The following NEK5 variants were observed in gnomAD, a reference collection of about 807,000 sequenced individuals.
The protein encoded by NEK5 is NIMA related kinase 5, also known as serine/threonine-protein kinase Nek5.
Under a neutral mutation model 109.2 loss-of-function variants are expected in NEK5, and 88 were observed. The ratio of observed to expected loss-of-function variants is 0.81; its 90% CI spans 0.68 to 0.96. The LOEUF is 0.96. NEK5 is among the 40% of genes least tolerant of loss of function. The pLI is 0.00. For missense variants in NEK5, 834 were observed against 920.7 expected, an observed-to-expected ratio of 0.91 and a Z score of 1.22; for synonymous variants, 283 against 299.9, an observed-to-expected ratio of 0.94 and a Z score of 0.58.
intron 7 of NEK5, among the ~76,000 whole-genome samples, 181 bp downstream of exon 7, chr13:52,110,159 A>G (rs1404480828): frequency 6.6e-6 from 1 of 152,188 alleles, no homozygotes; most frequent in Non-Finnish European, 1.5e-5. Context: ...TCATTCTATT[A>G]CACCACAATT....
intron 4 of NEK5, among the ~76,000 whole-genome samples, chr13:52,113,650 C>A (rs1361755963): frequency 6.6e-6 from 1 of 150,854 alleles, no homozygotes; most frequent in African/African-American, 2.4e-5. Flanking sequence ...TTTTTCCTGG[C>A]CATTTCCACT....
chr13:52,095,387 T>G (rs1955385355), intron 12 of NEK5, among the ~76,000 whole-genome samples: 1 of 152,220 alleles, frequency 6.6e-6, no homozygotes, highest in South Asian at 2.1e-4. Flanking sequence ...CTTTAAAATG[T>G]TCTCTAACAT....
intron 8 of NEK5, among the ~76,000 whole-genome samples, chr13:52,107,333 C>T (rs575805065): frequency 6.6e-6 from 1 of 152,070 alleles, no homozygotes; most frequent in Non-Finnish European, 1.5e-5. Context: ...TGGCTCACAC[C>T]TGTAATCTCA....
intron 22 of NEK5, among the ~76,000 whole-genome samples, chr13:52,056,636 A>C (rs933712830): frequency 1.3e-5 from 2 of 149,576 alleles, no homozygotes; most frequent in African/African-American, 4.9e-5. Flanking sequence ...ACTCAGGATT[A>C]AGAATCTCAC....
Position 52,089,277 on chromosome 13 carries a change from T to C in NEK5, c.1245A>G (p.Gln415=), listed in dbSNP as rs377213877. The change falls in exon 14 of 24, where the codon CAA becomes CAG. Residue 415 remains glutamine, a synonymous_variant. Transcript: ENST00000684899. The part of the protein sequence containing the change: ...AEYLQRKFEA[Q]QYKLKVEKQL... ...GCTTCTCCACTTTCAACTTATATTG[T>C]TGAGCTTCAAATTTTCTCTGAAGGT... is the stretch of plus-strand genomic sequence containing the variant. 6.2e-7 allele frequency: 1 copy of C among 1,608,514 alleles called. No individual in the cohort carries two copies. Among genetic ancestry groups the C allele is most frequent in the African/African-American group, 1.3e-5 (1 of 74,820 alleles).
intron 23 of NEK5, among the ~76,000 whole-genome samples, chr13:52,039,277 G>T (rs757260743): frequency 6.6e-6 from 1 of 152,136 alleles, no homozygotes. Context: ...AGGGATGAGG[G>T]TTTGGAATCA....
chr13:52,095,957 AT>A (rs963953572), intron 12 of NEK5, among the ~76,000 whole-genome samples: 27 of 152,268 alleles, frequency 1.8e-4, no homozygotes, highest in Admixed American at 3.3e-4. Context: ...GTTGGGGCAG[AT>A]TCCCCCCTTG....
At chr13:52,087,174 A>G (rs1463070304) in intron 15 of NEK5, among the ~76,000 whole-genome samples, 164 bp downstream of exon 15, 1 of 152,212 alleles carries the variant, frequency 6.6e-6, no homozygotes, top group Non-Finnish European at 1.5e-5. Context: ...ATATCGCATT[A>G]TCTGAGAAAG....
At chr13:52,128,047 C>T (rs1956102590) in intron 1 of NEK5, among the ~76,000 whole-genome samples, 1 of 152,112 alleles carries the variant, frequency 6.6e-6, no homozygotes, top group South Asian at 2.1e-4. Flanking sequence ...GAGAGACAGT[C>T]CCGCACAATA....
intron 18 of NEK5, 87 bp from the exon 19 acceptor site, chr13:52,075,913 T>G: frequency 1.0e-6 from 1 of 969,268 alleles, no homozygotes; most frequent in Middle Eastern, 2.1e-4. Context: ...TTGTTTGACA[T>G]TATAGATTCT....
chr13:52,084,750 AGAGAGAGAGAGAGTGTGTGT>A (rs1309963270), intron 16 of NEK5, among the ~76,000 whole-genome samples: 1 of 51,196 alleles, frequency 2.0e-5, no homozygotes, highest in African/African-American at 4.3e-5. Flanking sequence ...AGAGAGAGAG[AGAGAGAGAGAGAGTGTGTGT>A]GTGTGTGTGT....
chr13:52,070,999 C>G (rs1356825931), intron 20 of NEK5, among the ~76,000 whole-genome samples: 3 of 152,184 alleles, frequency 2.0e-5, no homozygotes, highest in Non-Finnish European at 4.4e-5. Flanking sequence ...GGTCACATAA[C>G]CAGAAGGTGG....
At chr13:52,098,362 T>C (rs922034178) in intron 12 of NEK5, among the ~76,000 whole-genome samples, 2 of 152,188 alleles carry the variant, frequency 1.3e-5, no homozygotes, top group Non-Finnish European at 2.9e-5. Flanking sequence ...AAAATGTTTA[T>C]ATACCAACAC....
At chr13:52,047,037 A>G (rs931991667) in intron 23 of NEK5, among the ~76,000 whole-genome samples, 8 of 152,182 alleles carry the variant, frequency 5.3e-5, no homozygotes, top group African/African-American at 1.9e-4. Context: ...AATTAAAACT[A>G]TCATGAACTG....
intron 20 of NEK5, 94 bp downstream of exon 20, chr13:52,071,850 C>T: frequency 9.2e-7 from 1 of 1,089,478 alleles, no homozygotes; most frequent in Non-Finnish European, 1.4e-6. Context: ...GGTCAAGTAA[C>T]AGTGGAGCCG....
chr13:52,074,115 G>A (rs751854804), intron 19 of NEK5, among the ~76,000 whole-genome samples: 21 of 151,610 alleles, frequency 1.4e-4, no homozygotes, highest in Non-Finnish European at 2.8e-4. Context: ...TCACAGGATT[G>A]GAGAAAAAAA....
rs766157099 is a variant in NEK5, at chr13:52,119,445, A to G, written c.118-30T>C. The G allele has an allele frequency of 3.3e-6, 4 of 1,207,502 alleles. No homozygotes were observed. In the South Asian group the frequency reaches 5.7e-5, roughly 17 times the overall value. The allele number at this position is 1,207,502 out of a possible 1,614,324, so 74.8% of individuals were successfully genotyped here. Reference sequence around the variant, plus strand: ...ATTACATTAAGAGACAGAGTAGTCTATAAAGCTAACTTGGTTTCAAGAACA... The same window carrying G: ...ATTACATTAAGAGACAGAGTAGTCTGTAAAGCTAACTTGGTTTCAAGAACA... On this transcript the variant is annotated intron_variant, in intron 3 of 23. Coordinates refer to ENST00000684899, the MANE Select transcript of NEK5 (RefSeq NM_001365552.1).
At chr13:52,051,062 CT>C (rs34408976) in intron 22 of NEK5, among the ~76,000 whole-genome samples, 75,599 of 142,870 alleles carry the variant, frequency 0.53, 21,632 homozygotes, top group Non-Finnish European at 0.66. Context: ...AAGGCAGGGG[CT>C]TTTTTTTTTT....
At chr13:52,112,420 T>C (rs1311972732) in intron 4 of NEK5, 55 bp from the exon 5 acceptor site, 7 of 1,151,216 alleles carry the variant, frequency 6.1e-6, no homozygotes, top group Non-Finnish European at 1.3e-6. Context: ...TTATCAGCCA[T>C]GTTCTGGCTG....
Sources: gnomAD v4.1 joint callset for allele counts (sites outside exome capture counted in the v4.1 genomes callset) on GRCh38, gnomAD v4.1.1 for gene constraint, MANE v1.5 for transcripts, NCBI Gene and HGNC (gene_info 2026-07-23, HGNC 2026-07-21) for gene names.